Variants in COX7A2L observed in about 807,000 individuals in gnomAD.
COX7A2L encodes cytochrome c oxidase subunit 7A2-like, mitochondrial.
Under a neutral mutation model 14.2 loss-of-function variants are expected in COX7A2L, and 18 were observed. That is an observed-to-expected ratio of 1.27 (90% confidence interval 0.88 to 1.88). The LOEUF is 1.88. Ranked by LOEUF, COX7A2L falls within the 40% of genes most tolerant of loss-of-function variation. The probability of loss-of-function intolerance (pLI) is 0.00; values close to 1 mark genes in which losing one functional copy is unlikely to be tolerated. For missense variants in COX7A2L, 179 were observed against 138.8 expected (o/e 1.29, Z -1.46); for synonymous variants, 65 against 57.4 (o/e 1.13, Z -0.60).
downstream of COX7A2L, among the ~76,000 whole-genome samples, chr2:42,347,921 C>CA (rs564006924): frequency 1.5e-3 from 218 of 148,830 alleles, 1 homozygote; most frequent in African/African-American, 5.0e-3. Flanking sequence ...AACTCCATCT[C>CA]AAAAAAAAAG....
Position 42,351,312 on chromosome 2 carries a change from T to A in COX7A2L, c.252A>T (p.Gln84His). The A allele has an allele frequency of 1.2e-6, 2 of 1,614,092 alleles. No homozygotes were observed. The highest frequency in any genetic ancestry group is 1.7e-6 in the Non-Finnish European group (2 of 1,180,018). The change falls in exon 3 of 3, where the codon CAA (glutamine) becomes CAT (histidine). Residue 84 changes from glutamine (Q) to histidine (H), a missense_variant. Coordinates refer to ENST00000234301, the MANE Select transcript of COX7A2L (RefSeq NM_004718.4). Reference protein sequence around the residue: ...PVYLKRGLPDQMLYRTTMALT... With the variant: ...PVYLKRGLPDHMLYRTTMALT... ...GCGCCATGGTGGTCCGGTAAAGCAT[T>A]TGGTCAGGCAGGCCTCGTTTCAGGT...
intron 2 of COX7A2L, chr2:42,352,889 T>C (rs1020131491): frequency 2.2e-5 from 8 of 367,200 alleles, no homozygotes; most frequent in African/African-American, 1.3e-4. Context: ...AATATATATA[T>C]TGGGTCATTC....
chr2:42,336,572 G>A (rs945789249), intron 2 of COX7A2L, among the ~76,000 whole-genome samples: 21 of 152,152 alleles, frequency 1.4e-4, no homozygotes, highest in African/African-American at 4.3e-4. Context: ...TCCTAGGAAA[G>A]GTCACAGGAG....
intron 1 of COX7A2L, among the ~76,000 whole-genome samples, chr2:42,354,276 A>G (rs954244786): frequency 6.6e-6 from 1 of 152,220 alleles, no homozygotes; most frequent in Admixed American, 6.5e-5. Flanking sequence ...GCTTTAAAAA[A>G]AGGTGGGGGG....
At chr2:42,346,640 C>T (rs1670503265), downstream of COX7A2L, among the ~76,000 whole-genome samples, 1 of 151,958 alleles carries the variant, frequency 6.6e-6, no homozygotes, top group Non-Finnish European at 1.5e-5. Context: ...GCAACAGCGC[C>T]TATTGTCCCA....
upstream of COX7A2L, among the ~76,000 whole-genome samples, chr2:42,365,220 G>A (rs1001019756): frequency 2.6e-5 from 4 of 152,216 alleles, no homozygotes; most frequent in Admixed American, 2.6e-4. Flanking sequence ...TGGGGGACGG[G>A]TGGTGGTTTC....
intron 2 of COX7A2L, among the ~76,000 whole-genome samples, chr2:42,352,700 T>C (rs1222062774): frequency 6.6e-6 from 1 of 152,176 alleles, no homozygotes; most frequent in Admixed American, 6.5e-5. Context: ...TCTCAATAAT[T>C]TGCAGGTAGA....
At chr2:42,356,170 A>G (rs575182893) in intron 1 of COX7A2L, among the ~76,000 whole-genome samples, 11 of 152,270 alleles carry the variant, frequency 7.2e-5, no homozygotes, top group Non-Finnish European at 1.2e-4. Context: ...TTCTCCAGGT[A>G]TCCACGTGGC....
chr2:42,368,790 C>T (rs542533568), intron 1 of COX7A2L: 6 of 152,312 alleles, frequency 3.9e-5, no homozygotes, highest in South Asian at 4.1e-4. Context: ...TTTGCCAAAT[C>T]TTATCAATCC....
chr2:42,367,091 C>G (rs573380883), intron 1 of COX7A2L, among the ~76,000 whole-genome samples: 2 of 152,342 alleles, frequency 1.3e-5, no homozygotes, highest in South Asian at 4.1e-4. Flanking sequence ...CTTCCCCTTT[C>G]TCCTCAGATT....
At chr2:42,355,686 A>AT (rs1159888234) in intron 1 of COX7A2L, among the ~76,000 whole-genome samples, 1 of 145,728 alleles carries the variant, frequency 6.9e-6, no homozygotes, top group Non-Finnish European at 1.5e-5. Flanking sequence ...AGGTTTAATA[A>AT]TTTAACAGTC....
rs1030541195 is a variant in COX7A2L at position 42,342,930 on chromosome 2, G to A, written c.193-9061C>T. The stretch of plus-strand genomic sequence containing the variant: ...TGCAGCAGTGCCGCACCCGGGCACC[G>A]TGGAGCCACAGAGGTCAGGAGGCCT... On this transcript the variant is annotated intron_variant, in intron 2 of 2. Transcript: ENST00000468711. The surrounding 1 kb of genome is among the most constrained non-coding windows in gnomAD (Gnocchi z 4.9). Among the ~76,000 whole-genome samples the A allele has an allele frequency of 1.3e-5, 2 of 152,026 alleles. No homozygotes were observed. The highest frequency in any genetic ancestry group is 6.6e-5 in the Admixed American group (1 of 15,260).
At chr2:42,336,261 A>G (rs563288621) in intron 2 of COX7A2L, among the ~76,000 whole-genome samples, 1 of 152,338 alleles carries the variant, frequency 6.6e-6, no homozygotes, top group South Asian at 2.1e-4. Flanking sequence ...TTAGCAATAT[A>G]ATCCTGTAGT....
At position 42,353,310 on chromosome 2, in the gene COX7A2L, G is replaced by C; in HGVS notation, c.106C>G (p.Pro36Ala). 1 of 1,614,038 alleles carries C rather than the reference G, an allele frequency of 6.2e-7. No homozygotes were observed. Among genetic ancestry groups the C allele is most frequent in the Non-Finnish European group, 8.5e-7 (1 of 1,179,988 alleles). Residue 36 changes from proline to alanine, a missense_variant, in exon 2 of 3, where the codon CCT becomes GCT. By Grantham distance (27) the Pro-to-Ala change is conservative (BLOSUM62 -1). Transcript: ENST00000234301. ...LKPVVSTEAPPIIFATPTKLT... is the reference protein window; with the variant it reads ...LKPVVSTEAPAIIFATPTKLT... ...TTAGTTGGTGTGGCAAATATGATAG[G>C]TGGTGCTTCTGTGGAAACCACAGGC...
At chr2:42,359,694 C>A (rs573669260) in intron 1 of COX7A2L, 2 of 152,192 alleles carry the variant, frequency 1.3e-5, no homozygotes, top group East Asian at 3.9e-4. Context: ...TTCTTCCCTA[C>A]AAATTACCAC....
rs546803857 is a variant in COX7A2L at position 42,338,876 on chromosome 2, C to T, written c.193-5007G>A. Among the ~76,000 whole-genome samples the T allele has an allele frequency of 6.6e-6, 1 of 152,214 alleles. No homozygotes were observed. Among genetic ancestry groups the T allele is most frequent in the Non-Finnish European group, 1.5e-5 (1 of 68,032 alleles). Reference sequence around the variant, plus strand: ...AGAAAGGAAAAAGAGAAGATGAAGGCCTTGCCCACATCCAATCCAAAGGGG... The same window carrying T: ...AGAAAGGAAAAAGAGAAGATGAAGGTCTTGCCCACATCCAATCCAAAGGGG... On this transcript the variant is annotated intron_variant, in intron 2 of 2. Coordinates refer to the COX7A2L transcript ENST00000468711. The surrounding 1 kb of genome is among the most constrained non-coding windows in gnomAD (Gnocchi z 4.4).
At chr2:42,360,409 T>C (rs1159713527) in intron 1 of COX7A2L, among the ~76,000 whole-genome samples, 1 of 152,202 alleles carries the variant, frequency 6.6e-6, no homozygotes, top group Non-Finnish European at 1.5e-5. Context: ...TCTGGGGCTC[T>C]AAAATCCCTC....
Position 42,351,369 on chromosome 2 carries a change from A to G in COX7A2L, c.205-10T>C. 1 of 1,611,746 alleles carries G rather than the reference A, an allele frequency of 6.2e-7. No individual in the cohort carries two copies. The highest frequency in any genetic ancestry group is 8.5e-7 in the Non-Finnish European group (1 of 1,179,278). ...GCACACCATCAGCTTTCTTGAAAGC[A>G]AGAATTAACAAGGGCATGGTTGAGA... is the stretch of plus-strand genomic sequence containing the variant. On this transcript the variant is annotated splice_polypyrimidine_tract_variant and intron_variant, in intron 2 of 2. Transcript: ENST00000234301.
upstream of COX7A2L, among the ~76,000 whole-genome samples, chr2:42,364,829 C>A (rs1288154110): frequency 1.3e-5 from 2 of 152,170 alleles, no homozygotes; most frequent in Non-Finnish European, 2.9e-5. Context: ...GTTGCCGGGA[C>A]AGCTTTATTG....
Sources: allele counts gnomAD v4.1 joint callset (sites outside exome capture counted in the v4.1 genomes callset), GRCh38; gene constraint gnomAD v4.1.1; non-coding constraint Gnocchi (gnomAD v3.1); transcripts MANE v1.5; gene names NCBI Gene and HGNC (gene_info 2026-07-23, HGNC 2026-07-21).